The following CAPSL variants were observed in gnomAD, a reference collection of about 807,000 sequenced individuals.
CAPSL encodes the protein calcyphosine like, also known as calcyphosin-like protein.
A neutral mutation model predicts 21.3 loss-of-function variants in CAPSL; 17 were observed. That is an observed-to-expected ratio of 0.80 (90% CI 0.55 to 1.20). CAPSL has a LOEUF of 1.20. Among genes scored for constraint, CAPSL ranks in the 50% most tolerant of loss-of-function variants. The probability of loss-of-function intolerance (pLI) is 0.00; values close to 1 mark genes in which losing one functional copy is unlikely to be tolerated. For missense variants in CAPSL, 289 were observed against 259.3 expected, an observed-to-expected ratio of 1.11 and a Z score of -0.79; for synonymous variants, 102 against 89.3, an observed-to-expected ratio of 1.14 and a Z score of -0.80.
intron 2 of CAPSL, among the ~76,000 whole-genome samples, chr5:35,912,644 A>C (rs10077384): frequency 1.1e-4 from 17 of 152,094 alleles, no homozygotes; most frequent in Non-Finnish European, 2.2e-4. Context: ...CCTGCAGCTG[A>C]GGTTCCTGAC....
chr5:35,915,168 T>C lies in CAPSL; in HGVS notation c.138-4625A>G, dbSNP rs548045676. Among the ~76,000 whole-genome samples the C allele has an allele frequency of 7.9e-5, 12 of 152,270 alleles. No homozygotes were observed. In the East Asian group the frequency reaches 2.3e-3, roughly 29 times the overall value. ...TCCCAAGACTAAACTAGGAAGAAGT[T>C]GAATCTCTGAATAGACCAATAACAG... On this transcript the variant is annotated intron_variant, in intron 2 of 4. Transcript: ENST00000651391.
intron 2 of CAPSL, among the ~76,000 whole-genome samples, chr5:35,913,378 A>G (rs1410589565): frequency 2.6e-5 from 4 of 152,230 alleles, no homozygotes; most frequent in Admixed American, 2.6e-4. Flanking sequence ...ATAGTCCTCG[A>G]GAAGAGCAAC....
chr5:35,932,909 A>G (rs1404942748), intron 1 of CAPSL, among the ~76,000 whole-genome samples: 4 of 152,214 alleles, frequency 2.6e-5, no homozygotes, highest in Non-Finnish European at 2.9e-5. Context: ...GCAGGCAAAC[A>G]TAACCTAAAA....
At chr5:35,918,479 G>T (rs1580887102) in intron 2 of CAPSL, among the ~76,000 whole-genome samples, 1 of 152,116 alleles carries the variant, frequency 6.6e-6, no homozygotes, top group South Asian at 2.1e-4. Flanking sequence ...GAGGGCTAGG[G>T]GAGGGATAAC....
At chr5:35,937,415 A>G (rs1164043777) in intron 1 of CAPSL, among the ~76,000 whole-genome samples, 1 of 152,192 alleles carries the variant, frequency 6.6e-6, no homozygotes. Context: ...CACATTCCCC[A>G]AACACACCAT....
chr5:35,933,129 A>G (rs1173755768), intron 1 of CAPSL, among the ~76,000 whole-genome samples: 1 of 152,196 alleles, frequency 6.6e-6, no homozygotes, highest in Admixed American at 6.5e-5. Context: ...CTGGCCTTAT[A>G]TAGAAACACT....
intron 2 of CAPSL, among the ~76,000 whole-genome samples, chr5:35,918,098 C>T (rs1738439613): frequency 6.6e-6 from 1 of 152,164 alleles, no homozygotes; most frequent in Non-Finnish European, 1.5e-5. Flanking sequence ...CCCACAATCC[C>T]ATTACCGGAT....
At chr5:35,926,003 G>A (rs1561442476) in intron 1 of CAPSL, among the ~76,000 whole-genome samples, 1 of 150,826 alleles carries the variant, frequency 6.6e-6, no homozygotes, top group Non-Finnish European at 1.5e-5. Flanking sequence ...TTGAACCCAG[G>A]AGACGGTGGT....
At chr5:35,927,136 G>A (rs910814236) in intron 1 of CAPSL, among the ~76,000 whole-genome samples, 4 of 152,174 alleles carry the variant, frequency 2.6e-5, no homozygotes, top group African/African-American at 4.8e-5. Flanking sequence ...GATTTTGCCT[G>A]GACAGTCTTC....
intron 2 of CAPSL, among the ~76,000 whole-genome samples, chr5:35,911,203 C>T (rs1738212691): frequency 6.6e-6 from 1 of 152,170 alleles, no homozygotes; most frequent in Admixed American, 6.5e-5. Context: ...TGGATATATT[C>T]TCCTCTCAAG....
chr5:35,911,273 A>C (rs972013659), intron 2 of CAPSL, among the ~76,000 whole-genome samples: 1 of 152,228 alleles, frequency 6.6e-6, no homozygotes, highest in African/African-American at 2.4e-5. Context: ...TTCCTTCCAA[A>C]AAGTACGATA....
intron 2 of CAPSL, 70 bp from the exon 3 acceptor site, chr5:35,910,613 A>C: frequency 9.3e-6 from 11 of 1,184,102 alleles, no homozygotes; most frequent in Non-Finnish European, 1.3e-5. Context: ...AGATTAAAAA[A>C]AAATCCACAC....
chr5:35,930,720 G>A (rs896551909), intron 1 of CAPSL, among the ~76,000 whole-genome samples: 1 of 152,240 alleles, frequency 6.6e-6, no homozygotes, highest in Non-Finnish European at 1.5e-5. Flanking sequence ...ATTCCTAGAA[G>A]TAGTTTTAAC....
At position 35,931,036 on chromosome 5, in the gene CAPSL, G is replaced by C. The variant is rs572403464; in HGVS notation, c.-1+7505C>G. ...CTTAGAGCCCTGACATCATCGAGCTGCTGAACTAATGTTGGCAACTTCTTG... is the reference window on the plus strand; with the variant it reads ...CTTAGAGCCCTGACATCATCGAGCTCCTGAACTAATGTTGGCAACTTCTTG... On this transcript the variant is annotated intron_variant, in intron 1 of 4. Coordinates refer to ENST00000651391, the MANE Select transcript of CAPSL (RefSeq NM_001042625.2). Among the ~76,000 whole-genome samples, 10 of 152,308 alleles carry C rather than the reference G, an allele frequency of 6.6e-5. No homozygotes were observed. The East Asian group carries it at 1.9e-3, about 29-fold the overall frequency.
chr5:35,906,232 G>C (rs756992683), intron 4 of CAPSL, among the ~76,000 whole-genome samples: 6 of 152,094 alleles, frequency 3.9e-5, no homozygotes, highest in Admixed American at 6.6e-5. Context: ...TTGTCTGTTT[G>C]TTGGCCAGGG....
chr5:35,918,775 T>C lies in CAPSL; in HGVS notation c.137+2209A>G, dbSNP rs558326235. On this transcript the variant is annotated intron_variant, in intron 2 of 4. Transcript: ENST00000651391. ...ATGAGAACTTTACCCATAAGAGAGC[T>C]AACAGAACTCTAGCAATAATGGGTT... is the stretch of plus-strand genomic sequence containing the variant. 3.9e-5 allele frequency among the ~76,000 whole-genome samples: 6 copies of C among 152,218 alleles called. No homozygotes were observed. The East Asian group carries it at 7.7e-4, about 20-fold the overall frequency.
rs771781791 is a variant in CAPSL, at chr5:35,910,408, T to C, written c.273A>G (p.Gly91=). Residue 91 remains glycine (G), a synonymous_variant, in exon 3 of 5, where the codon GGA becomes GGG. Transcript: ENST00000651391. ...EELFRRFDKD[G]NGTIDFNEFL... The stretch of plus-strand genomic sequence containing the variant: ...ATTCATTGAAGTCTATTGTTCCATT[T>C]CCATCTTTATCAAACCTCCGGAAAA... 3 of 1,613,906 alleles carry C rather than the reference T, an allele frequency of 1.9e-6. No homozygotes were observed. Among genetic ancestry groups the C allele is most frequent in the Non-Finnish European group, 2.5e-6 (3 of 1,179,914 alleles).
chr5:35,926,607 C>T (rs1738692006), intron 1 of CAPSL, among the ~76,000 whole-genome samples: 1 of 152,196 alleles, frequency 6.6e-6, no homozygotes, highest in African/African-American at 2.4e-5. Flanking sequence ...ACTGCTCTAG[C>T]CCTAGCCTGC....
At chr5:35,934,595 C>A (rs569168578) in intron 1 of CAPSL, among the ~76,000 whole-genome samples, 10 of 152,290 alleles carry the variant, frequency 6.6e-5, no homozygotes, top group African/African-American at 2.2e-4. Context: ...TTTATTTCCC[C>A]AGCTTCCTTT....
Sources: allele counts gnomAD v4.1 joint callset (sites outside exome capture counted in the v4.1 genomes callset), GRCh38; gene constraint gnomAD v4.1.1; transcripts MANE v1.5; gene names NCBI Gene and HGNC (gene_info 2026-07-23, HGNC 2026-07-21).